Variants in CPPED1 observed in about 807,000 individuals in gnomAD.
The protein encoded by CPPED1 is serine/threonine-protein phosphatase CPPED1.
A neutral mutation model predicts 28.0 loss-of-function variants in CPPED1; 28 were observed. The observed-to-expected ratio is 1.00, with a 90% CI of 0.74 to 1.37. The LOEUF (loss-of-function observed/expected upper bound fraction) is 1.37. Among genes scored for constraint, CPPED1 ranks in the 40% most tolerant of loss-of-function variants. The pLI is 0.00. For missense variants in CPPED1, 504 were observed against 416.5 expected, an observed-to-expected ratio of 1.21 and a Z score of -1.83; for synonymous variants, 198 against 180.2, an observed-to-expected ratio of 1.10 and a Z score of -0.79.
chr16:12,691,178 G>C (rs13330596), intron 3 of CPPED1, among the ~76,000 whole-genome samples: 1 of 152,166 alleles, frequency 6.6e-6, no homozygotes, highest in Non-Finnish European at 1.5e-5. Context: ...GTCTCCCCAC[G>C]CTGCAGTTTC....
chr16:12,702,046 C>T (rs933737317), intron 3 of CPPED1, among the ~76,000 whole-genome samples: 1 of 152,176 alleles, frequency 6.6e-6, no homozygotes. Flanking sequence ...CGGTCTTGCT[C>T]TAAATTAATC....
intron 2 of CPPED1, among the ~76,000 whole-genome samples, chr16:12,756,586 C>G (rs994254530): frequency 3.9e-5 from 6 of 152,130 alleles, no homozygotes; most frequent in African/African-American, 1.4e-4. Flanking sequence ...GCACACCTGT[C>G]ATCCCAGTTA....
intron 1 of CPPED1, among the ~76,000 whole-genome samples, chr16:12,791,279 T>C (rs1055438414): frequency 2.6e-5 from 4 of 152,140 alleles, no homozygotes; most frequent in Admixed American, 1.3e-4. Flanking sequence ...AGTGTTCTCA[T>C]TGTTCAACTC....
At chr16:12,762,627 A>T (rs932473845) in intron 2 of CPPED1, among the ~76,000 whole-genome samples, 5 of 152,190 alleles carry the variant, frequency 3.3e-5, no homozygotes, top group African/African-American at 1.2e-4. Context: ...AAATATCCAG[A>T]ATAGGCAAAT....
chr16:12,742,340 G>A (rs1373649915), intron 2 of CPPED1, among the ~76,000 whole-genome samples: 2 of 152,054 alleles, frequency 1.3e-5, no homozygotes, highest in Non-Finnish European at 2.9e-5. Context: ...AATAACTGTG[G>A]GATTTTAAAC....
At chr16:12,798,226 T>A (rs2080638821) in intron 1 of CPPED1, among the ~76,000 whole-genome samples, 1 of 152,244 alleles carries the variant, frequency 6.6e-6, no homozygotes, top group Non-Finnish European at 1.5e-5. Flanking sequence ...ATCCCTTGAC[T>A]GATGATTACA....
intron 2 of CPPED1, among the ~76,000 whole-genome samples, chr16:12,747,504 A>G (rs2141215418): frequency 6.6e-6 from 1 of 152,260 alleles, no homozygotes; most frequent in South Asian, 2.1e-4. Context: ...AAATCCCTCT[A>G]TAGGCACATC....
At chr16:12,703,259 A>G (rs1197868825) in intron 3 of CPPED1, among the ~76,000 whole-genome samples, 1 of 152,120 alleles carries the variant, frequency 6.6e-6, no homozygotes, top group South Asian at 2.1e-4. Flanking sequence ...AACATCTCCA[A>G]TTATGTGAGC....
At chr16:12,704,423 T>C (rs964718918) in intron 3 of CPPED1, among the ~76,000 whole-genome samples, 18 of 152,198 alleles carry the variant, frequency 1.2e-4, no homozygotes, top group Non-Finnish European at 1.3e-4. Flanking sequence ...TTACTATTCC[T>C]GTTTTATAGA....
chr16:12,703,176 A>G (rs375835584), intron 3 of CPPED1, among the ~76,000 whole-genome samples: 1 of 152,166 alleles, frequency 6.6e-6, no homozygotes, highest in East Asian at 1.9e-4. Flanking sequence ...TTCTGCACCA[A>G]CTCAAGCATG....
At chr16:12,775,161 C>G (rs2080490525) in intron 2 of CPPED1, among the ~76,000 whole-genome samples, 2 of 152,104 alleles carry the variant, frequency 1.3e-5, no homozygotes, top group African/African-American at 4.8e-5. Flanking sequence ...TTAGCACACT[C>G]AGCCCCCTCC....
In CPPED1 at chr16:12,773,772, T is replaced by C. The variant is rs564724304; in HGVS notation, c.289+7413A>G. On this transcript the variant is annotated intron_variant, in intron 2 of 3. Transcript: ENST00000381774. ...CACAAATAAATAATAAAATAAAAAG[T>C]GTCTGTCTCAGCCACCCACGTGAAC... 5.9e-5 allele frequency among the ~76,000 whole-genome samples: 9 copies of C among 152,208 alleles called. No homozygotes were observed. The South Asian group carries it at 1.9e-3, about 32-fold the overall frequency.
intron 3 of CPPED1, among the ~76,000 whole-genome samples, chr16:12,691,999 A>G (rs2079966226): frequency 2.0e-5 from 3 of 151,958 alleles, no homozygotes; most frequent in Admixed American, 6.6e-5. Flanking sequence ...ACATAAAGGC[A>G]TGCACCACCA....
intron 2 of CPPED1, among the ~76,000 whole-genome samples, chr16:12,726,911 G>T (rs938769521): frequency 6.6e-6 from 1 of 152,186 alleles, no homozygotes; most frequent in African/African-American, 2.4e-5. Flanking sequence ...GGGGCTAGGT[G>T]CCTGGGAGAG....
At chr16:12,741,143 T>C (rs1015537207) in intron 2 of CPPED1, among the ~76,000 whole-genome samples, 3 of 152,032 alleles carry the variant, frequency 2.0e-5, no homozygotes, top group Non-Finnish European at 2.9e-5. Flanking sequence ...CCAGGCCAAC[T>C]AGGATAGTAC....
intron 2 of CPPED1, among the ~76,000 whole-genome samples, chr16:12,758,592 C>T (rs914377346): frequency 2.0e-5 from 3 of 152,164 alleles, no homozygotes; most frequent in African/African-American, 7.2e-5. Context: ...GCCCACTGAC[C>T]AAGGCACTAT....
chr16:12,722,573 C>T (rs1362424148), intron 2 of CPPED1, among the ~76,000 whole-genome samples: 2 of 152,126 alleles, frequency 1.3e-5, no homozygotes, highest in Non-Finnish European at 1.5e-5. Flanking sequence ...CCTGTCTCTA[C>T]AAAAATACAA....
chr16:12,678,810 T>TA (rs926010537), intron 3 of CPPED1, among the ~76,000 whole-genome samples: 9 of 152,068 alleles, frequency 5.9e-5, no homozygotes, highest in African/African-American at 1.7e-4. Flanking sequence ...TTTTCTAAGT[T>TA]AAAAAAAATC....
intron 1 of CPPED1, 72 bp from the exon 2 acceptor site, chr16:12,781,475 T>G: frequency 7.4e-7 from 1 of 1,350,318 alleles, no homozygotes; most frequent in Non-Finnish European, 1.0e-6. Flanking sequence ...CAGCTTCCCA[T>G]GCAAAGTGGA....
Sources: gnomAD v4.1 joint callset for allele counts (sites outside exome capture counted in the v4.1 genomes callset) on GRCh38, gnomAD v4.1.1 for gene constraint, MANE v1.5 for transcripts, NCBI Gene and HGNC (gene_info 2026-07-23, HGNC 2026-07-21) for gene names.